The following RANBP9 variants were observed in gnomAD, a reference collection of about 807,000 sequenced individuals.
The protein encoded by RANBP9 is RAN binding protein 9.
Under a neutral mutation model 84.3 loss-of-function variants are expected in RANBP9, and 15 were observed. The ratio of observed to expected loss-of-function variants is 0.18; its 90% CI spans 0.12 to 0.27. The LOEUF is 0.27. Ranked by LOEUF, RANBP9 falls within the 10% of genes least tolerant of loss-of-function variation. RANBP9 has a pLI of 1.00. For synonymous variants in RANBP9, 392 were observed against 349.6 expected (o/e 1.12, Z -1.35); for missense variants, 809 against 912.8 (o/e 0.89, Z 1.46).
At chr6:13,669,764 C>T (rs527935900) in intron 2 of RANBP9, among the ~76,000 whole-genome samples, 3 of 152,080 alleles carry the variant, frequency 2.0e-5, no homozygotes, top group African/African-American at 2.4e-5. Flanking sequence ...AACTTTTTTT[C>T]GCATTTTTTG....
intron 4 of RANBP9, among the ~76,000 whole-genome samples, chr6:13,653,965 AAAGC>A (rs1349244166): frequency 1.3e-5 from 2 of 152,080 alleles, no homozygotes; most frequent in South Asian, 2.1e-4. Flanking sequence ...AAGAATACAG[AAAGC>A]AAGAGAATAT....
chr6:13,630,518 TAAAAA>T (rs61203161), intron 12 of RANBP9, among the ~76,000 whole-genome samples: 1 of 146,998 alleles, frequency 6.8e-6, no homozygotes, highest in Admixed American at 6.7e-5. Context: ...TAAGAATTCT[TAAAAA>T]AAAAAAAAAA....
At chr6:13,632,142 T>G in intron 12 of RANBP9, among the ~76,000 whole-genome samples, 2 of 77,648 alleles carry the variant, frequency 2.6e-5, no homozygotes, top group African/African-American at 1.3e-4. Context: ...TTTTTTTTTT[T>G]TTTTTTTTTT....
chr6:13,658,677 A>C, intron 3 of RANBP9, 103 bp downstream of exon 3: 1 of 988,028 alleles, frequency 1.0e-6, no homozygotes. Flanking sequence ...GATTAAAAAC[A>C]CAGAAAATCA....
chr6:13,630,843 A>AT (rs879343525), intron 12 of RANBP9, among the ~76,000 whole-genome samples: 375 of 144,802 alleles, frequency 2.6e-3, no homozygotes, highest in Admixed American at 4.4e-3. Context: ...TCATTTTTCT[A>AT]TTTTTTTTTT....
At chr6:13,684,747 T>A (rs1766129129) in intron 2 of RANBP9, among the ~76,000 whole-genome samples, 1 of 152,188 alleles carries the variant, frequency 6.6e-6, no homozygotes, top group Admixed American at 6.5e-5. Flanking sequence ...AGGACAGATC[T>A]TAAATAAATA....
intron 2 of RANBP9, among the ~76,000 whole-genome samples, chr6:13,684,248 CTT>C (rs1195664902): frequency 4.6e-5 from 7 of 152,186 alleles, no homozygotes; most frequent in Admixed American, 2.6e-4. Flanking sequence ...ATTTTCTTCT[CTT>C]GTCTTTCATT....
intron 13 of RANBP9, among the ~76,000 whole-genome samples, chr6:13,624,194 A>G (rs1764535856): frequency 6.6e-6 from 1 of 152,206 alleles, no homozygotes; most frequent in Non-Finnish European, 1.5e-5. Context: ...CCTATTCCCA[A>G]ACTTCAGTAT....
intron 12 of RANBP9, among the ~76,000 whole-genome samples, chr6:13,629,794 A>T (rs1183442569): frequency 6.6e-6 from 1 of 152,116 alleles, no homozygotes; most frequent in Non-Finnish European, 1.5e-5. Flanking sequence ...AAGAGGAAAG[A>T]AGACTTTGAA....
At chr6:13,647,762 T>TA (rs918664405) in intron 5 of RANBP9, among the ~76,000 whole-genome samples, 1 of 152,142 alleles carries the variant, frequency 6.6e-6, no homozygotes, top group Admixed American at 6.6e-5. Context: ...TGATATTGAT[T>TA]AAAAAAACTT....
intron 2 of RANBP9, among the ~76,000 whole-genome samples, chr6:13,679,740 T>G (rs1230258794): frequency 2.0e-5 from 3 of 152,316 alleles, no homozygotes; most frequent in African/African-American, 7.2e-5. Context: ...TACATTTCAA[T>G]TCTATAAACA....
chr6:13,679,056 T>TA (rs540561401), intron 2 of RANBP9, among the ~76,000 whole-genome samples: 13 of 150,508 alleles, frequency 8.6e-5, no homozygotes, highest in Non-Finnish European at 1.3e-4. Context: ...CTGCTGTGAT[T>TA]AAAAAAAAAA....
Position 13,658,813 on chromosome 6 carries a change from A to C in RANBP9, c.703T>G (p.Ser235Ala), listed in dbSNP as rs1447109617. The change falls in exon 3 of 14, where the codon TCT becomes GCT. Residue 235 changes from serine to alanine, a missense_variant. Transcript: ENST00000011619. ...CTATTCATGTTCACACCTTGAGCAG[A>C]AAGACCAATTCCCATGTAACTGTTG... ...GRDGYMGIGLSAQGVNMNRLP... is the reference protein window; with the variant it reads ...GRDGYMGIGLAAQGVNMNRLP... 1 of 1,577,686 alleles carries C rather than the reference A, an allele frequency of 6.3e-7. No individual in the cohort carries two copies. Among genetic ancestry groups the C allele is most frequent in the Non-Finnish European group, 8.7e-7 (1 of 1,147,062 alleles).
intron 9 of RANBP9, 21 bp from the exon 10 acceptor site, chr6:13,637,976 T>C (rs1424780711): frequency 1.3e-6 from 2 of 1,575,070 alleles, no homozygotes; most frequent in South Asian, 1.2e-5. Flanking sequence ...AGATACCACG[T>C]AGAAACAGAA....
At chr6:13,625,156 A>C (rs1344124694) in intron 13 of RANBP9, among the ~76,000 whole-genome samples, 4 of 152,132 alleles carry the variant, frequency 2.6e-5, no homozygotes, top group Admixed American at 6.5e-5. Context: ...GTTCCCTTCT[A>C]GCCTAACTCT....
At chr6:13,687,023 G>C (rs1380658410) in intron 2 of RANBP9, among the ~76,000 whole-genome samples, 5 of 152,130 alleles carry the variant, frequency 3.3e-5, no homozygotes, top group Admixed American at 2.6e-4. Context: ...GTAACAAGAA[G>C]AAATTGTTTT....
At chr6:13,651,142 A>G (rs1174963914) in intron 5 of RANBP9, among the ~76,000 whole-genome samples, 1 of 152,172 alleles carries the variant, frequency 6.6e-6, no homozygotes, top group African/African-American at 2.4e-5. Flanking sequence ...TTCAGTGAGT[A>G]TAAAATAAAA....
At position 13,644,664 on chromosome 6, in the gene RANBP9, T is replaced by C. The variant is rs1358612191; in HGVS notation, c.993A>G (p.Gln331=). The C allele has an allele frequency of 7.4e-6, 12 of 1,613,216 alleles. No individual in the cohort carries two copies. The highest frequency in any genetic ancestry group is 2.2e-5 in the East Asian group (1 of 44,778). ...CTTCTATATCAAACACGAAAGGATG[T>C]TGCCCAAAATTGGCATCGACCACTT... is the stretch of plus-strand genomic sequence containing the variant. ...PGEVVDANFG[Q]HPFVFDIEDY... is the part of the protein sequence containing the mutation. Residue 331 remains glutamine (Q), a synonymous_variant, in exon 6 of 14, where the codon CAA becomes CAG. Transcript: ENST00000011619.
At position 13,689,294 on chromosome 6, in the gene RANBP9, T is replaced by C. The variant is rs1370292177; in HGVS notation, c.683+7491A>G. ...TTTCCTTTTTTTTTTTTTTGAGAGA[T>C]GAAGTCTCACTCTGTCGCTAGGCTG... On this transcript the variant is annotated intron_variant, in intron 2 of 13. Coordinates refer to ENST00000011619, the MANE Select transcript of RANBP9 (RefSeq NM_005493.3). Among the ~76,000 whole-genome samples, 17 of 150,960 alleles carry C rather than the reference T, an allele frequency of 1.1e-4. 1 individual carries two copies. The highest frequency in any genetic ancestry group is 5.9e-5 in the Non-Finnish European group (4 of 67,764).
Sources: allele counts gnomAD v4.1 joint callset (sites outside exome capture counted in the v4.1 genomes callset), GRCh38; gene constraint gnomAD v4.1.1; transcripts MANE v1.5; gene names NCBI Gene and HGNC (gene_info 2026-07-23, HGNC 2026-07-21).